The following MYO18B variants were observed in gnomAD, a reference collection of about 807,000 sequenced individuals.
MYO18B encodes myosin XVIIIB, also known as unconventional myosin-XVIIIb.
MYO18B carries 204 observed loss-of-function variants against 273.0 expected under a neutral mutation model. That is an observed-to-expected ratio of 0.75 (90% CI 0.67 to 0.84). The LOEUF (loss-of-function observed/expected upper bound fraction) is 0.84. MYO18B is among the 40% of genes least tolerant of loss of function. The probability of loss-of-function intolerance (pLI) is 0.00; values close to 1 mark genes in which losing one functional copy is unlikely to be tolerated. For missense variants in MYO18B, 3,212 were observed against 3,287.6 expected, an observed-to-expected ratio of 0.98 and a Z score of 0.56; for synonymous variants, 1,330 against 1,305.7, an observed-to-expected ratio of 1.02 and a Z score of -0.40.
chr22:25,960,967 A>G (rs1376254870), intron 39 of MYO18B, among the ~76,000 whole-genome samples: 1 of 152,112 alleles, frequency 6.6e-6, no homozygotes, highest in African/African-American at 2.4e-5. Flanking sequence ...TCGGCAACAT[A>G]GCAAGACCCC....
In MYO18B at chr22:25,874,394, C is replaced by T. The variant is rs1457202477; in HGVS notation, c.4060C>T (p.Gln1354Ter). ...GGCTTGCAAGGGCTTTCTGTCTCGC[C>T]AGGAATTCAAGAAGCTGAAGGTACT... Reference protein sequence around the residue: ...QAACKGFLSRQEFKKLKIRRL... With the variant: ...QAACKGFLSR The change falls in exon 23 of 44, where the codon CAG becomes TAG. Residue 1354 changes from glutamine (Q) to a stop codon, truncating the protein, a stop_gained. Coordinates refer to ENST00000335473, the MANE Select transcript of MYO18B (RefSeq NM_032608.7). LOFTEE classifies it high-confidence loss of function. 6.2e-7 allele frequency: 1 copy of T among 1,613,800 alleles called. No homozygotes were observed. Among genetic ancestry groups the T allele is most frequent in the Non-Finnish European group, 8.5e-7 (1 of 1,179,816 alleles).
chr22:25,815,008 G>T lies in MYO18B; in HGVS notation c.2522-8497G>T, dbSNP rs377544249. Among the ~76,000 whole-genome samples, 210 of 152,290 alleles carry T rather than the reference G, an allele frequency of 1.4e-3. 9 individuals carry two copies. The South Asian group carries it at 0.043, about 31-fold the overall frequency. On this transcript the variant is annotated intron_variant, in intron 12 of 43. Coordinates refer to ENST00000335473, the MANE Select transcript of MYO18B (RefSeq NM_032608.7). ...CCCTTATTCTTTACATCACTGAATT[G>T]CAGGGTTCATACCAATAAATGGAAT...
intron 32 of MYO18B, among the ~76,000 whole-genome samples, chr22:25,909,541 C>T (rs2092115013): frequency 6.6e-6 from 1 of 152,182 alleles, no homozygotes; most frequent in Non-Finnish European, 1.5e-5. Flanking sequence ...CTCTCAGTCC[C>T]TGCCCATATT....
At chr22:25,810,833 A>G (rs1363584088) in intron 12 of MYO18B, among the ~76,000 whole-genome samples, 2 of 152,004 alleles carry the variant, frequency 1.3e-5, no homozygotes, top group African/African-American at 4.8e-5. Context: ...AGCTCTCCCT[A>G]TTACTGATAT....
At chr22:25,946,973 T>C (rs1601650494) in intron 35 of MYO18B, among the ~76,000 whole-genome samples, 1 of 152,180 alleles carries the variant, frequency 6.6e-6, no homozygotes, top group Non-Finnish European at 1.5e-5. Flanking sequence ...CCTATCTGGG[T>C]GTACAGGGTT....
intron 14 of MYO18B, among the ~76,000 whole-genome samples, 181 bp from the exon 15 acceptor site, chr22:25,828,595 C>T (rs535535929): frequency 6.6e-6 from 1 of 151,984 alleles, no homozygotes; most frequent in South Asian, 2.1e-4. Flanking sequence ...GCCTACTCAC[C>T]CCCATCCTCA....
At chr22:25,757,068 G>C (rs1192077334) in intron 1 of MYO18B, among the ~76,000 whole-genome samples, 1 of 151,708 alleles carries the variant, frequency 6.6e-6, no homozygotes, top group African/African-American at 2.4e-5. Context: ...CAAAAGAAAA[G>C]AAAATATATA....
chr22:25,782,820 G>A lies in MYO18B; in HGVS notation c.2312+986G>A, dbSNP rs147453284. Among the ~76,000 whole-genome samples the A allele has an allele frequency of 1.9e-4, 29 of 152,320 alleles. 1 individual carries two copies. The highest frequency in any genetic ancestry group is 5.9e-4 in the Admixed American group (9 of 15,310). ...AGAGAGGGAACTCCCAGTTTTTAGA[G>A]TGATTGTAACTGAGCAGCAGGGAAA... On this transcript the variant is annotated intron_variant, in intron 10 of 43. Transcript: ENST00000335473.
At chr22:25,876,391 G>C in intron 24 of MYO18B, 59 bp downstream of exon 24, 2 of 1,531,110 alleles carry the variant, frequency 1.3e-6, no homozygotes, top group South Asian at 2.5e-5. Flanking sequence ...TGCTCCTCCT[G>C]TTTGCATCTA....
At position 26,027,734 on chromosome 22, in the gene MYO18B, C is replaced by A; in HGVS notation, c.*12+44C>A. ...GGCTATTCTTGGGGGAATGAGAGTT[C>A]ACCTTGCAGCCTTGGGGAGAGCAGG... is the stretch of plus-strand genomic sequence containing the variant. On this transcript the variant is annotated intron_variant, in intron 43 of 43. Coordinates refer to ENST00000335473, the MANE Select transcript of MYO18B (RefSeq NM_032608.7). The surrounding 1 kb of genome is among the most constrained non-coding windows in gnomAD (Gnocchi z 4.1). 1 of 1,519,608 alleles carries A rather than the reference C, an allele frequency of 6.6e-7. No individual in the cohort carries two copies. The highest frequency in any genetic ancestry group is 8.8e-7 in the Non-Finnish European group (1 of 1,132,608). The allele number at this position is 1,519,608 out of a possible 1,614,324, so 94.1% of individuals were successfully genotyped here. A position where few individuals can be genotyped will look rare whatever the true frequency, so the allele number is the denominator to read the frequency against.
intron 39 of MYO18B, among the ~76,000 whole-genome samples, chr22:25,961,056 G>T (rs12386328): frequency 0.058 from 8,817 of 151,742 alleles, 330 homozygotes; most frequent in East Asian, 0.11. Context: ...AAGGAAGGAA[G>T]GAAGCAACAA....
intron 28 of MYO18B, chr22:25,897,181 G>A (rs1050036452): frequency 2.6e-5 from 4 of 152,186 alleles, no homozygotes; most frequent in African/African-American, 7.2e-5. Flanking sequence ...TCATCATGTT[G>A]TATTGTAATT....
the MYO18B span, among the ~76,000 whole-genome samples, chr22:26,036,216 A>G: frequency 6.6e-6 from 1 of 151,622 alleles, no homozygotes; most frequent in African/African-American, 2.4e-5. Context: ...TTCACACTGG[A>G]CTCCCACTCC....
Position 25,946,261 on chromosome 22 carries a change from C to G in MYO18B, c.5631+11C>G. 6.4e-7 allele frequency: 1 copy of G among 1,550,628 alleles called. No homozygotes were observed. Among genetic ancestry groups the G allele is most frequent in the Middle Eastern group, 1.7e-4 (1 of 5,972 alleles). On this transcript the variant is annotated intron_variant, in intron 35 of 43. Transcript: ENST00000335473. ...CGGAACAAGAGCCTGGTACCTGTCC[C>G]TTCCTGCAGCTGCAGGGACCTGGGC... is the stretch of plus-strand genomic sequence containing the variant.
intron 39 of MYO18B, among the ~76,000 whole-genome samples, chr22:25,966,091 C>T (rs898298136): frequency 6.6e-6 from 1 of 152,196 alleles, no homozygotes; most frequent in African/African-American, 2.4e-5. Context: ...ACAAGTAATT[C>T]ATGCCATGCT....
In MYO18B at chr22:26,008,009, C is replaced by A. The variant is rs79359390; in HGVS notation, c.6470+3154C>A. 3.2e-3 allele frequency among the ~76,000 whole-genome samples: 492 copies of A among 152,230 alleles called. 9 individuals carry two copies. In the East Asian group the frequency reaches 0.045, roughly 14 times the overall value. On this transcript the variant is annotated intron_variant, in intron 42 of 43. Transcript: ENST00000335473. Reference sequence around the variant, plus strand: ...ACATGTACTTGTAGCAAATATATAGCATATTTGTGAGATTTTTAAAAACAT... The same window carrying A: ...ACATGTACTTGTAGCAAATATATAGAATATTTGTGAGATTTTTAAAAACAT...
chr22:25,985,364 GAACAA>G (rs72288454), intron 39 of MYO18B, among the ~76,000 whole-genome samples: 10,316 of 151,662 alleles, frequency 0.068, 891 homozygotes, highest in African/African-American at 0.2. Flanking sequence ...CACTCTCAAA[GAACAA>G]AACAAAACAA....
intron 21 of MYO18B, among the ~76,000 whole-genome samples, chr22:25,853,555 T>G (rs562788161): frequency 9.8e-5 from 15 of 152,328 alleles, no homozygotes; most frequent in African/African-American, 3.4e-4. Flanking sequence ...GGGTTCCTTA[T>G]TCTTGGTCTC....
At chr22:25,844,736 T>C (rs1038808991) in intron 18 of MYO18B, among the ~76,000 whole-genome samples, 2 of 152,196 alleles carry the variant, frequency 1.3e-5, no homozygotes, top group Admixed American at 1.3e-4. Context: ...TCAGAGCTGA[T>C]TGGAAACCCA....
Sources: allele counts gnomAD v4.1 joint callset (sites outside exome capture counted in the v4.1 genomes callset), GRCh38; gene constraint gnomAD v4.1.1; non-coding constraint Gnocchi (gnomAD v3.1); transcripts MANE v1.5; gene names NCBI Gene and HGNC (gene_info 2026-07-23, HGNC 2026-07-21).